TENM2: variants seen among roughly 807,000 people sequenced by gnomAD.
The protein encoded by TENM2 is teneurin-2.
A neutral mutation model predicts 245.2 loss-of-function variants in TENM2; 52 were observed. The ratio of observed to expected loss-of-function variants is 0.21; its 90% CI spans 0.17 to 0.27. The LOEUF is 0.27. Ranked by LOEUF, TENM2 falls within the 10% of genes least tolerant of loss-of-function variation. The pLI is 1.00. For missense variants in TENM2, 3,046 were observed against 3,666.8 expected, an observed-to-expected ratio of 0.83 and a Z score of 4.37; for synonymous variants, 1,363 against 1,438.9, an observed-to-expected ratio of 0.95 and a Z score of 1.19.
intron 2 of TENM2, among the ~76,000 whole-genome samples, chr5:167,800,800 G>A (rs1163228494): frequency 6.6e-6 from 1 of 151,982 alleles, no homozygotes; most frequent in East Asian, 1.9e-4. Context: ...TTGTCTGGAT[G>A]TCCCTTCAAT....
chr5:167,515,102 G>A (rs887622982), intron 2 of TENM2, among the ~76,000 whole-genome samples: 3 of 152,202 alleles, frequency 2.0e-5, no homozygotes, highest in African/African-American at 7.2e-5. Context: ...AACACCGAAA[G>A]TGAGAGTTGT....
intron 2 of TENM2, among the ~76,000 whole-genome samples, chr5:167,473,951 A>G (rs1767204773): frequency 6.6e-6 from 1 of 152,126 alleles, no homozygotes; most frequent in African/African-American, 2.4e-5. Flanking sequence ...CCCAATTAGC[A>G]TGCTTACTGT....
intron 5 of TENM2, among the ~76,000 whole-genome samples, chr5:168,041,729 C>T (rs1788207180): frequency 6.6e-6 from 1 of 152,188 alleles, no homozygotes; most frequent in Non-Finnish European, 1.5e-5. Flanking sequence ...TGCTTTACTC[C>T]TGGTGCCTAG....
At chr5:167,203,354 T>A in the TENM2 span, among the ~76,000 whole-genome samples, 1 of 152,218 alleles carries the variant, frequency 6.6e-6, no homozygotes, top group Admixed American at 6.5e-5. Context: ...GGTCAAAATC[T>A]ATGCCTCTTT....
the TENM2 span, among the ~76,000 whole-genome samples, chr5:167,245,779 G>C: frequency 6.6e-6 from 1 of 152,104 alleles, no homozygotes; most frequent in Non-Finnish European, 1.5e-5. Context: ...AGTAATTTGG[G>C]TCTTACAAAT....
At chr5:168,122,110 C>T (rs998095394) in intron 10 of TENM2, among the ~76,000 whole-genome samples, 1 of 152,212 alleles carries the variant, frequency 6.6e-6, no homozygotes, top group African/African-American at 2.4e-5. Flanking sequence ...TATTGAACAC[C>T]TGGTATATTC....
intron 25 of TENM2, among the ~76,000 whole-genome samples, chr5:168,235,255 G>A (rs1177225760): frequency 6.6e-6 from 1 of 152,182 alleles, no homozygotes; most frequent in African/African-American, 2.4e-5. Flanking sequence ...GTACATTAGT[G>A]AACAAAAGAT....
At chr5:167,510,474 T>G (rs1166776917) in intron 2 of TENM2, among the ~76,000 whole-genome samples, 1 of 151,930 alleles carries the variant, frequency 6.6e-6, no homozygotes, top group Non-Finnish European at 1.5e-5. Context: ...ACACTTCGAG[T>G]GAAAAGGGAA....
At chr5:167,270,110 A>AT in the TENM2 span, among the ~76,000 whole-genome samples, 12 of 152,158 alleles carry the variant, frequency 7.9e-5, no homozygotes, top group Non-Finnish European at 1.5e-5. Context: ...TCAGTTTCAG[A>AT]TTTTCAGTGT....
intron 27 of TENM2, among the ~76,000 whole-genome samples, chr5:168,253,427 T>TA (rs1181258308): frequency 3.0e-5 from 4 of 134,868 alleles, no homozygotes; most frequent in South Asian, 2.3e-4. Context: ...ATTCATTATT[T>TA]TATTTTTTTT....
At chr5:167,604,133 AG>A (rs2127734738) in intron 2 of TENM2, among the ~76,000 whole-genome samples, 1 of 152,326 alleles carries the variant, frequency 6.6e-6, no homozygotes, top group East Asian at 1.9e-4. Flanking sequence ...TGAGAGGAAA[AG>A]AAAAAAATAA....
chr5:168,105,900 C>T (rs924804203), intron 9 of TENM2, among the ~76,000 whole-genome samples: 1 of 152,006 alleles, frequency 6.6e-6, no homozygotes, highest in Admixed American at 6.6e-5. Context: ...ATTCCTTTCC[C>T]TTGTATTTGC....
intron 2 of TENM2, among the ~76,000 whole-genome samples, chr5:167,377,008 C>T (rs934888314): frequency 2.6e-5 from 4 of 151,998 alleles, no homozygotes; most frequent in Admixed American, 1.3e-4. Context: ...TAGAGGGAAC[C>T]GTCTATACAG....
chr5:168,131,193 C>T (rs1408245393), intron 12 of TENM2, among the ~76,000 whole-genome samples: 1 of 152,148 alleles, frequency 6.6e-6, no homozygotes, highest in Admixed American at 6.5e-5. Flanking sequence ...ACATCTGCTC[C>T]GAATAATACA....
At chr5:167,565,522 T>A (rs1773852933) in intron 2 of TENM2, among the ~76,000 whole-genome samples, 1 of 152,214 alleles carries the variant, frequency 6.6e-6, no homozygotes, top group Admixed American at 6.5e-5. Flanking sequence ...GGAACAACAT[T>A]TAGCTTCCAT....
chr5:167,026,944 G>T, the TENM2 span, among the ~76,000 whole-genome samples: 3 of 152,114 alleles, frequency 2.0e-5, no homozygotes, highest in African/African-American at 7.2e-5. Context: ...CAGCGTTTTG[G>T]TGGTAGTGCA....
rs1758639463 is a variant in TENM2 at position 167,348,839 on chromosome 5, C to T, written c.227-26359C>T. 2.0e-5 allele frequency among the ~76,000 whole-genome samples: 3 copies of T among 152,106 alleles called. No homozygotes were observed. The South Asian group carries it at 6.2e-4, about 31-fold the overall frequency. On this transcript the variant is annotated intron_variant, in intron 1 of 28. Transcript: ENST00000518659. The stretch of plus-strand genomic sequence containing the variant: ...CTGCCTTCTTGGCATCGTCAGATTT[C>T]CTATCTTCTTTCAGTTCGTGATCTC...
chr5:167,443,925 C>T (rs1016000622), intron 2 of TENM2, among the ~76,000 whole-genome samples: 6 of 151,968 alleles, frequency 3.9e-5, no homozygotes, highest in Non-Finnish European at 7.4e-5. Context: ...CTTATGATTA[C>T]GCAAAACATC....
intron 2 of TENM2, among the ~76,000 whole-genome samples, chr5:167,854,800 C>A (rs1161473236): frequency 6.6e-6 from 1 of 152,066 alleles, no homozygotes; most frequent in African/African-American, 2.4e-5. Context: ...TCTCTCAAAC[C>A]CACATTAACC....
Sources: gnomAD v4.1 joint callset for allele counts (sites outside exome capture counted in the v4.1 genomes callset) on GRCh38, gnomAD v4.1.1 for gene constraint, MANE v1.5 for transcripts, NCBI Gene and HGNC (gene_info 2026-07-23, HGNC 2026-07-21) for gene names.